PRR12: variants seen among roughly 807,000 people sequenced by gnomAD.
PRR12 encodes the protein proline rich 12.
Under a neutral mutation model 138.0 loss-of-function variants are expected in PRR12, and 12 were observed. That is an observed-to-expected ratio of 0.09 (90% CI 0.06 to 0.14). The LOEUF (loss-of-function observed/expected upper bound fraction) is 0.14. Among genes scored for constraint, PRR12 ranks in the 10% least tolerant of loss-of-function variants. The pLI is 1.00. For missense variants in PRR12, 2,692 were observed against 2,861.3 expected (o/e 0.94, Z 1.35); for synonymous variants, 1,567 against 1,291.7 (o/e 1.21, Z -4.57).
At position 49,624,983 on chromosome 19, in the gene PRR12, G is replaced by A. The variant is rs2080947185; in HGVS notation, c.5861G>A (p.Arg1954Lys). 1.2e-6 allele frequency: 2 copies of A among 1,600,632 alleles called. No homozygotes were observed. The highest frequency in any genetic ancestry group is 2.2e-5 in the East Asian group (1 of 44,686). ...TLSKLKRSVV[R>K]AQEFKVELEK... is the part of the protein sequence containing the mutation. ...AGCAAGCTCAAGAGGAGCGTGGTCA[G>A]AGCCCAGGTGGGCACTGGGGCTGGG... is the stretch of plus-strand genomic sequence containing the variant. Residue 1954 changes from arginine (R) to lysine (K), a missense_variant, in exon 12 of 14, where the codon AGA becomes AAA. Arg to Lys is a conservative substitution (Grantham distance 26). This residue lies in a region of PRR12 where 116 missense variants were observed against 243.4 expected (regional missense o/e 0.48). Transcript: ENST00000418929.
rs534767869 is a variant in PRR12, at chr19:49,625,776, C to A, written c.*169C>A. ...GCAGGGTTCAAAGTCCGACTCCCCCCCTCTCCCAAGCCCCCTCCACTCCCT... is the reference window on the plus strand; with the variant it reads ...GCAGGGTTCAAAGTCCGACTCCCCCACTCTCCCAAGCCCCCTCCACTCCCT... On this transcript the variant is annotated 3_prime_UTR_variant, in exon 14 of 14. Transcript: ENST00000418929. This position sits in a 1 kb window ranked among gnomAD's most constrained non-coding sequence, Gnocchi z 5.5. 1.4e-5 allele frequency: 11 copies of A among 789,364 alleles called. No individual in the cohort carries two copies. Among genetic ancestry groups the A allele is most frequent in the East Asian group, 3.1e-5 (1 of 32,410 alleles). The allele number at this position is 789,364 out of a possible 1,614,324, so 48.9% of individuals were successfully genotyped here. A position where few individuals can be genotyped will look rare whatever the true frequency, so the allele number is the denominator to read the frequency against.
chr19:49,594,184 C>G lies in PRR12; in HGVS notation c.200-270C>G, dbSNP rs1490797370. ...CTGGCTCTTTCGCTTCTAGATTTTT[C>G]TACACTTTTGTCTACCATTTCCTAC... On this transcript the variant is annotated intron_variant, in intron 2 of 13. Transcript: ENST00000418929. The surrounding 1 kb of genome is among the most constrained non-coding windows in gnomAD (Gnocchi z 5.6). Among the ~76,000 whole-genome samples, 1 of 152,148 alleles carries G rather than the reference C, an allele frequency of 6.6e-6. No individual in the cohort carries two copies. The highest frequency in any genetic ancestry group is 1.5e-5 in the Non-Finnish European group (1 of 68,026).
chr19:49,601,639 A>ACCGCCGCTG lies in PRR12; in HGVS notation c.4502_4510dup (p.Leu1501_Pro1503dup). On this transcript the variant is annotated inframe_insertion, in exon 6 of 14. Coordinates refer to ENST00000418929, the MANE Select transcript of PRR12 (RefSeq NM_020719.3). ...CCCCCACGCCCAGCTCACCACCGCCACCGCCGCTGCCGCCGCCACCTCCAC... is the reference window on the plus strand; with the variant it reads ...CCCCCACGCCCAGCTCACCACCGCCACCGCCGCTGCCGCCGCTGCCGCCGCCACCTCCAC... The ACCGCCGCTG allele has an allele frequency of 6.5e-7, 1 of 1,529,702 alleles. No individual in the cohort carries two copies. The highest frequency in any genetic ancestry group is 8.8e-7 in the Non-Finnish European group (1 of 1,142,342). 94.8% of individuals were successfully genotyped at this position (1,529,702 alleles called of 1,614,324 possible). A position where few individuals can be genotyped will look rare whatever the true frequency, so the allele number is the denominator to read the frequency against.
chr19:49,593,223 CCGGTCAGCTGGAAGGGT>C, intron 1 of PRR12, 87 bp from the exon 2 acceptor site: 3 of 599,884 alleles, frequency 5.0e-6, no homozygotes, highest in South Asian at 2.0e-5. Flanking sequence ...ACCCCCCACC[CCGGTCAGCTGGAAGGGT>C]CCCCCCAACT....
rs190003267 is a variant in PRR12, at chr19:49,604,477, A to C, written c.4773+2559A>C. Among the ~76,000 whole-genome samples the C allele has an allele frequency of 5.6e-3, 858 of 152,238 alleles. 5 individuals are homozygous for C. The highest frequency in any genetic ancestry group is 9.5e-3 in the Non-Finnish European group (647 of 68,016). On this transcript the variant is annotated intron_variant, in intron 6 of 13. Transcript: ENST00000418929. ...CAGATCACCTGAGGTCAAGAGTTCA[A>C]GACCAGCCTGGCCAACATGATGAAA... is the stretch of plus-strand genomic sequence containing the variant.
Position 49,594,953 on chromosome 19 carries a change from G to C in PRR12, c.618G>C (p.Glu206Asp), listed in dbSNP as rs772502811. The part of the protein sequence containing the change: ...APTVPSSLGF[E>D]RLAGGGVLGP... ...CGGTGCCCTCTTCACTGGGCTTCGAGCGCCTGGCAGGGGGCGGTGTCTTGG... is the reference window on the plus strand; with the variant it reads ...CGGTGCCCTCTTCACTGGGCTTCGACCGCCTGGCAGGGGGCGGTGTCTTGG... The change falls in exon 4 of 14, where the codon GAG (glutamate) becomes GAC (aspartate). Residue 206 changes from glutamate to aspartate, a missense_variant. Physicochemically the swap from Glu to Asp is conservative, Grantham distance 45 (BLOSUM62 2). Coordinates refer to ENST00000418929, the MANE Select transcript of PRR12 (RefSeq NM_020719.3). The surrounding 1 kb of genome is among the most constrained non-coding windows in gnomAD (Gnocchi z 5.6). 6.2e-7 allele frequency: 1 copy of C among 1,601,346 alleles called. No homozygotes were observed. The highest frequency in any genetic ancestry group is 1.1e-5 in the South Asian group (1 of 89,396).
rs2080727681 is a variant in PRR12, at chr19:49,591,623, C to CCCCT, written c.-28_-25dup. ...CGCCCCCTCCCTCCCTCCCTCCCTC[C>CCCCT]CCCTCCCCCCAATTTCCACCGCGGC... On this transcript the variant is annotated 5_prime_UTR_variant, in exon 1 of 14. Coordinates refer to ENST00000418929, the MANE Select transcript of PRR12 (RefSeq NM_020719.3). The CCCCT allele has an allele frequency of 1.3e-6, 1 of 787,906 alleles. No individual in the cohort carries two copies. Among genetic ancestry groups the CCCCT allele is most frequent in the Non-Finnish European group, 1.9e-6 (1 of 522,398 alleles). The allele number at this position is 787,906 out of a possible 1,614,324, so 48.8% of individuals were successfully genotyped here. A position where few individuals can be genotyped will look rare whatever the true frequency, so the allele number is the denominator to read the frequency against.
At chr19:49,623,665 G>C (rs907027777) in intron 11 of PRR12, among the ~76,000 whole-genome samples, 7 of 151,920 alleles carry the variant, frequency 4.6e-5, no homozygotes, top group Non-Finnish European at 8.8e-5. Context: ...GGGGTAGATG[G>C]GATGGTTAGG....
chr19:49,618,025 G>C (rs1476276244), intron 9 of PRR12, among the ~76,000 whole-genome samples: 2 of 152,150 alleles, frequency 1.3e-5, no homozygotes, highest in Non-Finnish European at 2.9e-5. Flanking sequence ...TTGAACCTGG[G>C]AGGCAGAGGT....
chr19:49,614,895 A>T lies in PRR12; in HGVS notation c.4910A>T (p.Asp1637Val). The T allele has an allele frequency of 6.2e-7, 1 of 1,613,890 alleles. No homozygotes were observed. Among genetic ancestry groups the T allele is most frequent in the Non-Finnish European group, 8.5e-7 (1 of 1,179,858 alleles). ...CCATAGTATTTGGGGTATTTTGGGG[A>T]TGCAAAAAATCGGTACCAGCGCCTC... ...ATSNYLGYFG[D>V]AKNRYQRLYV... The change falls in exon 8 of 14, where the codon GAT (aspartate) becomes GTT (valine). Residue 1637 changes from aspartate (D) to valine (V), a missense_variant. By Grantham distance (152) the Asp-to-Val change is radical (BLOSUM62 -3). Around this residue, in one of 11 missense-constraint regions of PRR12, gnomAD observed 92 missense variants for 174.1 expected, o/e 0.53. Transcript: ENST00000418929. This position sits in a 1 kb window ranked among gnomAD's most constrained non-coding sequence, Gnocchi z 5.0.
chr19:49,592,835 C>G (rs761369266), intron 1 of PRR12, among the ~76,000 whole-genome samples: 2 of 152,156 alleles, frequency 1.3e-5, no homozygotes, highest in Non-Finnish European at 2.9e-5. Context: ...GGGAACCGAT[C>G]TTCCTCCTGC....
intron 9 of PRR12, among the ~76,000 whole-genome samples, chr19:49,618,808 C>G (rs1473015697): frequency 6.6e-6 from 1 of 152,018 alleles, no homozygotes; most frequent in East Asian, 1.9e-4. Flanking sequence ...CTGCTTCCAG[C>G]CCTGCCCCAC....
rs769587966 is a variant in PRR12, at chr19:49,597,734, C to T, written c.3399C>T (p.Ala1133=). Residue 1133 remains alanine (A), a synonymous_variant, in exon 4 of 14, where the codon GCC becomes GCT. Transcript: ENST00000418929. This position sits in a 1 kb window ranked among gnomAD's most constrained non-coding sequence, Gnocchi z 6.3. ...DLVSSCRSRP[A]LSPLGDIDFC... is the part of the protein sequence containing the mutation. ...TCTCCAGCTGCCGCTCCCGTCCGGC[C>T]CTCTCGCCACTGGGGGACATCGACT... 16 of 1,608,224 alleles carry T rather than the reference C, an allele frequency of 9.9e-6. No homozygotes were observed. Among genetic ancestry groups the T allele is most frequent in the African/African-American group, 8.0e-5 (6 of 74,844 alleles).
At position 49,601,683 on chromosome 19, in the gene PRR12, C is replaced by T. The variant is rs2080812050; in HGVS notation, c.4538C>T (p.Pro1513Leu). Residue 1513 changes from proline (P) to leucine (L), a missense_variant, in exon 6 of 14, where the codon CCA (proline) becomes CTA (leucine). By Grantham distance (98) the Pro-to-Leu change is moderately conservative (BLOSUM62 -3). Transcript: ENST00000418929. The stretch of plus-strand genomic sequence containing the variant: ...CCTCCACCAGCCATGCCCTCGCCTC[C>T]ACCACCACCCCCACCAGCCGCTGCC... ...PPPPPAMPSP[P>L]PPPPPAAAPL... 2 of 1,538,784 alleles carry T rather than the reference C, an allele frequency of 1.3e-6. No individual in the cohort carries two copies. Among genetic ancestry groups the T allele is most frequent in the Non-Finnish European group, 8.7e-7 (1 of 1,145,912 alleles).
At chr19:49,621,813 G>A (rs1218715703) in intron 11 of PRR12, 191 bp downstream of exon 11, 1 of 589,684 alleles carries the variant, frequency 1.7e-6, no homozygotes, top group Non-Finnish European at 3.0e-6. Flanking sequence ...GCCCATGTGG[G>A]GAGGAGCTGT....
chr19:49,619,535 CTTTTT>C (rs760207958), intron 9 of PRR12, among the ~76,000 whole-genome samples: 15 of 67,148 alleles, frequency 2.2e-4, no homozygotes, highest in African/African-American at 1.2e-3. Flanking sequence ...ATGCCCAGCC[CTTTTT>C]TTTTTTTTTT....
chr19:49,604,275 A>G (rs913246609), intron 6 of PRR12, among the ~76,000 whole-genome samples: 1 of 151,686 alleles, frequency 6.6e-6, no homozygotes, highest in East Asian at 1.9e-4. Flanking sequence ...GACTGAGGTG[A>G]GAGGCTCACT....
In PRR12 at chr19:49,607,531, C is replaced by T. The variant is rs556497451; in HGVS notation, c.4773+5613C>T. On this transcript the variant is annotated intron_variant, in intron 6 of 13. Transcript: ENST00000418929. ...GACCAGCTTGGGCAACATGGCAAAA[C>T]GCCCCCCCTACAAAAAAATAAGAAA... is the stretch of plus-strand genomic sequence containing the variant. Among the ~76,000 whole-genome samples, 63 of 151,754 alleles carry T rather than the reference C, an allele frequency of 4.2e-4. 1 individual carries two copies. In the South Asian group the frequency reaches 0.012, roughly 29 times the overall value.
At chr19:49,598,328 C>T (rs1433710864) in intron 4 of PRR12, among the ~76,000 whole-genome samples, 3 of 152,122 alleles carry the variant, frequency 2.0e-5, no homozygotes, top group African/African-American at 7.2e-5. Flanking sequence ...CCCGCCTCGG[C>T]CTCCCAAAGT....
Sources: allele counts gnomAD v4.1 joint callset (sites outside exome capture counted in the v4.1 genomes callset), GRCh38; gene constraint gnomAD v4.1.1; regional missense constraint gnomAD v4.1.1; non-coding constraint Gnocchi (gnomAD v3.1); transcripts MANE v1.5; gene names NCBI Gene and HGNC (gene_info 2026-07-23, HGNC 2026-07-21).